CREB5: variants seen among roughly 807,000 people sequenced by gnomAD.
The protein encoded by CREB5 is cyclic AMP-responsive element-binding protein 5.
CREB5 carries 19 observed loss-of-function variants against 57.1 expected under a neutral mutation model. The observed-to-expected ratio is 0.33, with a 90% CI of 0.23 to 0.49. CREB5 has a LOEUF of 0.49. CREB5 is among the 20% of genes least tolerant of loss of function. The pLI is 0.99. For missense variants in CREB5, 579 were observed against 671.6 expected (o/e 0.86, Z 1.52); for synonymous variants, 238 against 238.3 (o/e 1.00, Z 0.01).
At chr7:28,771,421 C>T (rs1806314938) in intron 7 of CREB5, among the ~76,000 whole-genome samples, 3 of 152,126 alleles carry the variant, frequency 2.0e-5, no homozygotes, top group Admixed American at 6.5e-5. Flanking sequence ...CTGGATGCTG[C>T]CTGATGTGGA....
intron 7 of CREB5, among the ~76,000 whole-genome samples, chr7:28,737,566 TA>T (rs1562606616): frequency 0.01 from 990 of 95,280 alleles, 25 homozygotes; most frequent in Middle Eastern, 0.02. Flanking sequence ...TATATATATA[TA>T]TATATATATA....
At chr7:28,434,348 T>C (rs1300755590) in intron 1 of CREB5, among the ~76,000 whole-genome samples, 1 of 152,222 alleles carries the variant, frequency 6.6e-6, no homozygotes, top group Non-Finnish European at 1.5e-5. Context: ...TCATTCCTTT[T>C]ATAGAATTTT....
chr7:28,557,756 G>A (rs1794934454), intron 4 of CREB5, among the ~76,000 whole-genome samples: 1 of 152,186 alleles, frequency 6.6e-6, no homozygotes, highest in African/African-American at 2.4e-5. Context: ...GGAATAGCTG[G>A]TGCCAAGGCT....
chr7:28,658,963 A>ATATATATATATATG (rs1554281589), intron 5 of CREB5, among the ~76,000 whole-genome samples: 49 of 117,166 alleles, frequency 4.2e-4, no homozygotes, highest in South Asian at 7.8e-4. Flanking sequence ...GTATATATAT[A>ATATATATATATATG]TATATATATA....
At chr7:28,445,515 G>A (rs988338101) in intron 1 of CREB5, among the ~76,000 whole-genome samples, 5 of 151,506 alleles carry the variant, frequency 3.3e-5, no homozygotes, top group African/African-American at 2.4e-5. Context: ...TTACTGAAGA[G>A]TGAAAGTGGG....
chr7:28,518,832 G>A (rs1276479873), intron 4 of CREB5, among the ~76,000 whole-genome samples: 1 of 152,202 alleles, frequency 6.6e-6, no homozygotes, highest in Non-Finnish European at 1.5e-5. Context: ...AGTGTGGTCT[G>A]AACTCAGGAC....
intron 1 of CREB5, among the ~76,000 whole-genome samples, chr7:28,403,841 G>A (rs2109813): frequency 0.76 from 115,509 of 152,116 alleles, 44,167 homozygotes; most frequent in East Asian, 0.97. Flanking sequence ...TGCAAAGTCA[G>A]TCTCTTGACT....
intron 5 of CREB5, among the ~76,000 whole-genome samples, chr7:28,608,752 A>G (rs1288701391): frequency 6.6e-6 from 1 of 152,212 alleles, no homozygotes; most frequent in African/African-American, 2.4e-5. Context: ...GGCCAACTTG[A>G]TGGTTGACAT....
At chr7:28,418,389 C>T (rs888639044) in intron 1 of CREB5, among the ~76,000 whole-genome samples, 6 of 152,128 alleles carry the variant, frequency 3.9e-5, no homozygotes, top group African/African-American at 7.2e-5. Flanking sequence ...AAACTCCTCA[C>T]GCACCTTCTT....
intron 5 of CREB5, among the ~76,000 whole-genome samples, chr7:28,702,909 A>G (rs1169696777): frequency 1.3e-5 from 2 of 152,216 alleles, no homozygotes; most frequent in Non-Finnish European, 2.9e-5. Flanking sequence ...GCAAAGATCA[A>G]AAGATGCTTC....
chr7:28,421,341 G>A (rs556790228), intron 1 of CREB5, among the ~76,000 whole-genome samples: 13 of 152,262 alleles, frequency 8.5e-5, no homozygotes, highest in Admixed American at 7.2e-4. Context: ...TTATGGCTGA[G>A]TAGTATTTCA....
intron 7 of CREB5, among the ~76,000 whole-genome samples, chr7:28,737,570 T>TAA (rs1804088204): frequency 1.7e-4 from 8 of 47,978 alleles, no homozygotes; most frequent in African/African-American, 4.9e-4. Context: ...TATATATATA[T>TAA]ATATATATAT....
At chr7:28,443,998 A>C (rs926087596) in intron 1 of CREB5, among the ~76,000 whole-genome samples, 12 of 152,168 alleles carry the variant, frequency 7.9e-5, no homozygotes, top group African/African-American at 2.9e-4. Context: ...GGTGATTTGA[A>C]AGTTAGATTA....
At chr7:28,550,917 A>G (rs987082847) in intron 4 of CREB5, among the ~76,000 whole-genome samples, 7 of 152,210 alleles carry the variant, frequency 4.6e-5, no homozygotes, top group Admixed American at 4.6e-4. Flanking sequence ...CAAGTCAGAT[A>G]AAAACAACGC....
At chr7:28,395,584 C>T (rs773807326) in intron 1 of CREB5, among the ~76,000 whole-genome samples, 1 of 152,178 alleles carries the variant, frequency 6.6e-6, no homozygotes, top group Non-Finnish European at 1.5e-5. Context: ...CTGACTTGCA[C>T]TATTCTCCAC....
chr7:28,613,803 G>A (rs1017841337), intron 5 of CREB5, among the ~76,000 whole-genome samples: 8 of 152,134 alleles, frequency 5.3e-5, no homozygotes, highest in African/African-American at 1.9e-4. Context: ...TGGGTTCAGG[G>A]TGGCTTAGAG....
intron 5 of CREB5, among the ~76,000 whole-genome samples, chr7:28,714,857 T>C (rs1802590461): frequency 6.6e-6 from 1 of 152,224 alleles, no homozygotes; most frequent in Non-Finnish European, 1.5e-5. Flanking sequence ...CAATAATTTT[T>C]AGTAGGAATA....
rs1203594153 is a variant in CREB5, at chr7:28,820,141, A to G, written c.*862A>G. 6.6e-6 allele frequency: 1 copy of G among 152,404 alleles called. No homozygotes were observed. The highest frequency in any genetic ancestry group is 1.5e-5 in the Non-Finnish European group (1 of 68,042). 9.4% of individuals were successfully genotyped at this position (152,404 alleles called of 1,614,324 possible). A position where few individuals can be genotyped will look rare whatever the true frequency, so the allele number is the denominator to read the frequency against. On this transcript the variant is annotated 3_prime_UTR_variant, in exon 11 of 11. Coordinates refer to ENST00000357727, the MANE Select transcript of CREB5 (RefSeq NM_182898.4). ...TTAATGTGCCTGATTTAATGTTTTTAATAATCACAGCAAATGAAAGGTGGT... is the reference window on the plus strand; with the variant it reads ...TTAATGTGCCTGATTTAATGTTTTTGATAATCACAGCAAATGAAAGGTGGT...
chr7:28,560,917 T>TGCGCGCGCGCGC lies in CREB5; in HGVS notation c.292-9447_292-9446insCGCGCGCGCGCG, dbSNP rs1170124048. 3.8e-3 allele frequency among the ~76,000 whole-genome samples: 307 copies of TGCGCGCGCGCGC among 80,762 alleles called. 15 individuals are homozygous for TGCGCGCGCGCGC. Among genetic ancestry groups the TGCGCGCGCGCGC allele is most frequent in the Non-Finnish European group, 4.9e-3 (215 of 44,114 alleles). 53.0% of individuals were successfully genotyped at this position (80,762 alleles called of 152,430 possible). ...GTGTGCGTGCGCGCGTGCGTGTGCG[T>TGCGCGCGCGCGC]GTGTGCGCGTGCGTGTGTGCGTGCG... is the stretch of plus-strand genomic sequence containing the variant. On this transcript the variant is annotated intron_variant, in intron 4 of 10. Transcript: ENST00000357727.
Sources: gnomAD v4.1 joint callset for allele counts (sites outside exome capture counted in the v4.1 genomes callset) on GRCh38, gnomAD v4.1.1 for gene constraint, MANE v1.5 for transcripts, NCBI Gene and HGNC (gene_info 2026-07-23, HGNC 2026-07-21) for gene names.